The following MIR2052HG variants were observed in gnomAD, a reference collection of about 807,000 sequenced individuals.
The protein encoded by MIR2052HG is MIR2052 host gene.
chr8:74,694,070 A>C lies in MIR2052HG; in HGVS notation n.217-8309A>C, dbSNP rs1586915830. Among the ~76,000 whole-genome samples, 2 of 152,200 alleles carry C rather than the reference A, an allele frequency of 1.3e-5. 1 individual carries two copies. Among genetic ancestry groups the C allele is most frequent in the African/African-American group, 4.8e-5 (2 of 41,528 alleles). On this transcript the variant is annotated intron_variant and non_coding_transcript_variant, in intron 2 of 6. Coordinates refer to ENST00000523442, the Ensembl canonical transcript of MIR2052HG. The stretch of plus-strand genomic sequence containing the variant: ...CAAACAACACAAAACCAACACACTA[A>C]ACAAAACTATAACCAAGGACCCTCA...
chr8:74,678,980 A>G (rs1009730399), intron 2 of MIR2052HG, among the ~76,000 whole-genome samples: 11 of 152,214 alleles, frequency 7.2e-5, no homozygotes, highest in Non-Finnish European at 1.5e-4. Context: ...GCATGAAGAT[A>G]TTTCATAAAG....
intron 2 of MIR2052HG, among the ~76,000 whole-genome samples, chr8:74,638,528 G>A (rs756710996): frequency 6.6e-6 from 1 of 152,146 alleles, no homozygotes; most frequent in Non-Finnish European, 1.5e-5. Context: ...CTGATGTTTT[G>A]TATGACAGTG....
chr8:74,698,847 C>A (rs903938918), intron 2 of MIR2052HG, among the ~76,000 whole-genome samples: 1 of 152,044 alleles, frequency 6.6e-6, no homozygotes, highest in East Asian at 1.9e-4. Context: ...CACCACGGCA[C>A]ATGTACACCT....
chr8:74,602,826 T>TTTCC (rs1808028235), intron 1 of MIR2052HG, among the ~76,000 whole-genome samples: 3 of 127,408 alleles, frequency 2.4e-5, no homozygotes, highest in African/African-American at 6.2e-5. Flanking sequence ...TGTTTCTTTC[T>TTTCC]TTCTTTCTTT....
intron 1 of MIR2052HG, among the ~76,000 whole-genome samples, chr8:74,602,817 G>GTTTGTTTCTTTCTTTC (rs554782820): frequency 5.4e-5 from 4 of 73,786 alleles, no homozygotes; most frequent in African/African-American, 1.3e-4. Context: ...GCCCGGCCGT[G>GTTTGTTTCTTTCTTTC]TTTCTTTCTT....
At chr8:74,615,690 C>T (rs1257823166) in intron 2 of MIR2052HG, among the ~76,000 whole-genome samples, 1 of 151,782 alleles carries the variant, frequency 6.6e-6, no homozygotes, top group African/African-American at 2.4e-5. Context: ...ATACATGTGC[C>T]ATGTTGGTGT....
At chr8:74,632,754 A>G (rs1234929062) in intron 2 of MIR2052HG, among the ~76,000 whole-genome samples, 2 of 152,266 alleles carry the variant, frequency 1.3e-5, no homozygotes, top group East Asian at 3.9e-4. Flanking sequence ...GATAATTATC[A>G]TGGGAACTGG....
At chr8:74,632,460 C>G (rs1435049976) in intron 2 of MIR2052HG, 1 of 151,954 alleles carries the variant, frequency 6.6e-6, no homozygotes, top group East Asian at 1.9e-4. Flanking sequence ...CTCTCATCAG[C>G]TCATTTATTT....
At chr8:74,667,166 G>A (rs762577131) in intron 2 of MIR2052HG, among the ~76,000 whole-genome samples, 3 of 152,182 alleles carry the variant, frequency 2.0e-5, no homozygotes, top group Non-Finnish European at 4.4e-5. Context: ...GGGGACAGGA[G>A]CTCAGTCCAG....
At chr8:74,625,975 G>T (rs1305890891) in intron 2 of MIR2052HG, among the ~76,000 whole-genome samples, 1 of 152,054 alleles carries the variant, frequency 6.6e-6, no homozygotes, top group Non-Finnish European at 1.5e-5. Context: ...GAATATTTGG[G>T]AACATCACTT....
chr8:74,643,622 A>G (rs903948806), intron 2 of MIR2052HG, among the ~76,000 whole-genome samples: 2 of 152,212 alleles, frequency 1.3e-5, no homozygotes, highest in African/African-American at 4.8e-5. Flanking sequence ...ATTTACTATA[A>G]TCCCAGTAAA....
intron 2 of MIR2052HG, among the ~76,000 whole-genome samples, chr8:74,659,900 T>C (rs1194289583): frequency 6.6e-6 from 1 of 152,264 alleles, no homozygotes; most frequent in Non-Finnish European, 1.5e-5. Flanking sequence ...CATATTTTCT[T>C]CTATTTTAAT....
At chr8:74,704,942 G>A (rs1434767221) in intron 4 of MIR2052HG, among the ~76,000 whole-genome samples, 1 of 152,068 alleles carries the variant, frequency 6.6e-6, no homozygotes, top group Non-Finnish European at 1.5e-5. Flanking sequence ...GAAGTTAACT[G>A]TGAATAATAT....
chr8:74,632,931 C>G (rs1033490568), intron 2 of MIR2052HG, among the ~76,000 whole-genome samples: 1 of 152,164 alleles, frequency 6.6e-6, no homozygotes, highest in Non-Finnish European at 1.5e-5. Flanking sequence ...CATCTCACCA[C>G]TCCTCACTAG....
At chr8:74,749,825 G>A (rs1341578644) in intron 4 of MIR2052HG, among the ~76,000 whole-genome samples, 1 of 134,974 alleles carries the variant, frequency 7.4e-6, no homozygotes, top group East Asian at 2.1e-4. Flanking sequence ...CTCCAGCCTG[G>A]AAGACAGAGT....
At chr8:74,687,835 T>A (rs1038559218) in intron 2 of MIR2052HG, among the ~76,000 whole-genome samples, 1 of 152,154 alleles carries the variant, frequency 6.6e-6, no homozygotes, top group African/African-American at 2.4e-5. Context: ...ATGTTAAGTA[T>A]TCTTATCACA....
intron 2 of MIR2052HG, among the ~76,000 whole-genome samples, chr8:74,675,135 C>G (rs907216513): frequency 2.0e-5 from 3 of 151,944 alleles, no homozygotes; most frequent in Non-Finnish European, 4.4e-5. Context: ...ATAAGAAAAT[C>G]ATTGCCCTCA....
intron 4 of MIR2052HG, among the ~76,000 whole-genome samples, chr8:74,720,169 T>A (rs758367170): frequency 6.6e-6 from 1 of 152,172 alleles, no homozygotes; most frequent in Non-Finnish European, 1.5e-5. Flanking sequence ...CTTCTTACAT[T>A]TTCTTACATT....
chr8:74,717,302 C>T (rs553224141), intron 4 of MIR2052HG, among the ~76,000 whole-genome samples: 3 of 152,220 alleles, frequency 2.0e-5, no homozygotes, highest in Non-Finnish European at 4.4e-5. Flanking sequence ...TGATGGTTTC[C>T]AGCTTCATCC....
Sources: allele counts gnomAD v4.1 joint callset (sites outside exome capture counted in the v4.1 genomes callset), GRCh38; gene constraint gnomAD v4.1.1; transcripts MANE v1.5; gene names NCBI Gene and HGNC (gene_info 2026-07-23, HGNC 2026-07-21).